ANKRD42: variants seen among roughly 807,000 people sequenced by gnomAD.
ANKRD42 encodes ankyrin repeat domain 42, also known as ankyrin repeat domain-containing protein 42.
ANKRD42 carries 43 observed loss-of-function variants against 51.5 expected under a neutral mutation model. The observed-to-expected ratio is 0.83, with a 90% CI of 0.65 to 1.08. ANKRD42 has a LOEUF of 1.08. Ranked by LOEUF, ANKRD42 falls within the 50% of genes least tolerant of loss-of-function variation. The pLI, the probability that ANKRD42 is intolerant of heterozygous loss-of-function variation, is 0.00. For synonymous variants in ANKRD42, 203 were observed against 213.0 expected, an observed-to-expected ratio of 0.95 and a Z score of 0.41; for missense variants, 608 against 629.3, an observed-to-expected ratio of 0.97 and a Z score of 0.36.
chr11:83,224,647 G>A (rs1166061663), intron 5 of ANKRD42, among the ~76,000 whole-genome samples: 1 of 152,006 alleles, frequency 6.6e-6, no homozygotes, highest in Non-Finnish European at 1.5e-5. Context: ...GCCAGGCATG[G>A]TAGCTCCTGC....
intron 6 of ANKRD42, among the ~76,000 whole-genome samples, chr11:83,225,281 T>C (rs957502918): frequency 6.6e-6 from 1 of 152,188 alleles, no homozygotes; most frequent in African/African-American, 2.4e-5. Context: ...CAAAAATGTG[T>C]AGAGGTTGGT....
chr11:83,247,339 G>T (rs562552968), intron 10 of ANKRD42, among the ~76,000 whole-genome samples: 2 of 152,084 alleles, frequency 1.3e-5, no homozygotes, highest in East Asian at 3.9e-4. Context: ...AAAGTGCTGG[G>T]GTTACAGACG....
At chr11:83,239,956 C>T (rs1273771492) in intron 8 of ANKRD42, among the ~76,000 whole-genome samples, 1 of 152,112 alleles carries the variant, frequency 6.6e-6, no homozygotes, top group Non-Finnish European at 1.5e-5. Context: ...TTCTATAAAC[C>T]TTACAACTTC....
chr11:83,228,156 G>A lies in ANKRD42; in HGVS notation c.913+284G>A, dbSNP rs1392395857. The stretch of plus-strand genomic sequence containing the variant: ...AGTTAAGATGTGAAATGTACTGCTA[G>A]AGAAGTTTCTTAGGATAACATTTTT... On this transcript the variant is annotated intron_variant, in intron 7 of 10. Coordinates refer to ENST00000533342, the MANE Select transcript of ANKRD42 (RefSeq NM_001300975.2). Among the ~76,000 whole-genome samples, 3 of 145,062 alleles carry A rather than the reference G, an allele frequency of 2.1e-5. No homozygotes were observed. In the East Asian group the frequency reaches 6.6e-4, roughly 32 times the overall value.
intron 6 of ANKRD42, among the ~76,000 whole-genome samples, chr11:83,225,434 G>A (rs1192227351): frequency 6.6e-6 from 1 of 151,786 alleles, no homozygotes; most frequent in East Asian, 1.9e-4. Context: ...GTATGTGGAG[G>A]CATGCCTGTA....
intron 5 of ANKRD42, among the ~76,000 whole-genome samples, chr11:83,216,230 C>A (rs1862524977): frequency 1.3e-5 from 2 of 152,290 alleles, no homozygotes; most frequent in South Asian, 4.1e-4. Context: ...CTAGGGTTGT[C>A]CATGTTTTTA....
At chr11:83,245,748 C>G in intron 10 of ANKRD42, 124 bp downstream of exon 10, 1 of 1,080,396 alleles carries the variant, frequency 9.3e-7, no homozygotes, top group Non-Finnish European at 1.3e-6. Flanking sequence ...TCCTGTTTTT[C>G]TCCTAAGCCC....
At chr11:83,238,578 C>T (rs867337334) in intron 8 of ANKRD42, among the ~76,000 whole-genome samples, 1 of 152,268 alleles carries the variant, frequency 6.6e-6, no homozygotes, top group Middle Eastern at 3.4e-3. Context: ...TGCCTGTAAT[C>T]CCAGCACTTT....
downstream of ANKRD42, chr11:83,261,720 A>G (rs747874610): frequency 1.8e-5 from 8 of 438,902 alleles, no homozygotes; most frequent in Non-Finnish European, 3.3e-5. Context: ...AAAGACACAC[A>G]CCTGCACTCA....
At chr11:83,219,241 G>C (rs1468015932) in intron 5 of ANKRD42, among the ~76,000 whole-genome samples, 1 of 152,196 alleles carries the variant, frequency 6.6e-6, no homozygotes, top group Non-Finnish European at 1.5e-5. Flanking sequence ...ATTTAACCAT[G>C]CTTACCAGCG....
At position 83,248,430 on chromosome 11, in the gene ANKRD42, G is replaced by T; in HGVS notation, c.*226G>T. On this transcript the variant is annotated 3_prime_UTR_variant, in exon 11 of 11. Coordinates refer to ENST00000533342, the MANE Select transcript of ANKRD42 (RefSeq NM_001300975.2). Reference sequence around the variant, plus strand: ...GTTCATAAGTATTATTGTTAACATTGTACCATAGAAGGAGAAAATGTTTTC... The same window carrying T: ...GTTCATAAGTATTATTGTTAACATTTTACCATAGAAGGAGAAAATGTTTTC... 2 of 1,209,312 alleles carry T rather than the reference G, an allele frequency of 1.7e-6. No homozygotes were observed. The highest frequency in any genetic ancestry group is 6.5e-4 in the Middle Eastern group (2 of 3,098). 74.9% of individuals were successfully genotyped at this position (1,209,312 alleles called of 1,614,324 possible). A position where few individuals can be genotyped will look rare whatever the true frequency, so the allele number is the denominator to read the frequency against.
chr11:83,256,198 C>T, downstream of ANKRD42: 1 of 222,104 alleles, frequency 4.5e-6, no homozygotes, highest in South Asian at 1.3e-4. Context: ...CAAGTATTCA[C>T]ATAAGCTTTA....
intron 3 of ANKRD42, among the ~76,000 whole-genome samples, chr11:83,207,790 G>A (rs1422097393): frequency 6.6e-6 from 1 of 152,220 alleles, no homozygotes; most frequent in Non-Finnish European, 1.5e-5. Flanking sequence ...CTATACTTCT[G>A]TAAGAAGCTC....
intron 6 of ANKRD42, among the ~76,000 whole-genome samples, chr11:83,227,526 A>T (rs1307466112): frequency 2.6e-5 from 4 of 152,188 alleles, no homozygotes; most frequent in Non-Finnish European, 5.9e-5. Flanking sequence ...CTGGTACAAT[A>T]CTTCTGGCAT....
At chr11:83,212,124 C>T (rs1862346026) in intron 5 of ANKRD42, among the ~76,000 whole-genome samples, 3 of 151,710 alleles carry the variant, frequency 2.0e-5, no homozygotes, top group Admixed American at 2.0e-4. Flanking sequence ...TGCTCTGTTG[C>T]CCAGGCTGGA....
In ANKRD42 at chr11:83,248,169, T is replaced by C; in HGVS notation, c.1549T>C (p.Ser517Pro). The change falls in exon 11 of 11, where the codon TCT becomes CCT. Residue 517 changes from serine (S) to proline (P), a missense_variant. Transcript: ENST00000533342. ...WPRVQALGWG[S>P]LDLNPGYSLF The stretch of plus-strand genomic sequence containing the variant: ...AAGAGTACAAGCTTTGGGCTGGGGC[T>C]CTTTGGACTTGAATCCTGGCTATAG... The C allele has an allele frequency of 6.5e-7, 1 of 1,528,592 alleles. No individual in the cohort carries two copies. Among genetic ancestry groups the C allele is most frequent in the Non-Finnish European group, 8.8e-7 (1 of 1,140,240 alleles). 94.7% of individuals were successfully genotyped at this position (1,528,592 alleles called of 1,614,324 possible).
At chr11:83,198,341 T>A in intron 1 of ANKRD42, 138 bp from the exon 2 acceptor site, 1 of 836,984 alleles carries the variant, frequency 1.2e-6, no homozygotes, top group Non-Finnish European at 1.8e-6. Flanking sequence ...CTGTTTAAGA[T>A]ATTAATGACA....
At chr11:83,201,360 A>G (rs1292006189) in intron 2 of ANKRD42, among the ~76,000 whole-genome samples, 1 of 152,244 alleles carries the variant, frequency 6.6e-6, no homozygotes, top group East Asian at 1.9e-4. Context: ...ATGGTATTCC[A>G]TGGTGTATAT....
intron 3 of ANKRD42, among the ~76,000 whole-genome samples, chr11:83,207,856 G>A (rs1862137183): frequency 6.6e-6 from 1 of 152,176 alleles, no homozygotes; most frequent in Non-Finnish European, 1.5e-5. Context: ...TAGTTTTACT[G>A]AGTATAGATT....
Sources: gnomAD v4.1 joint callset for allele counts (sites outside exome capture counted in the v4.1 genomes callset) on GRCh38, gnomAD v4.1.1 for gene constraint, MANE v1.5 for transcripts, NCBI Gene and HGNC (gene_info 2026-07-23, HGNC 2026-07-21) for gene names.